The following PDE1A variants were observed in gnomAD, a reference collection of about 807,000 sequenced individuals.
The protein encoded by PDE1A is dual specificity calcium/calmodulin-dependent 3',5'-cyclic nucleotide phosphodiesterase 1A.
In PDE1A, 35 loss-of-function variants were observed where a neutral mutation model predicts 61.7. The observed-to-expected ratio is 0.57, with a 90% CI of 0.43 to 0.75. The LOEUF (loss-of-function observed/expected upper bound fraction) is 0.75, where lower values mean the gene tolerates loss of function less well. PDE1A is among the 30% of genes least tolerant of loss of function. The pLI is 0.00. For synonymous variants in PDE1A, 232 were observed against 213.2 expected (o/e 1.09, Z -0.77); for missense variants, 597 against 630.6 (o/e 0.95, Z 0.57).
chr2:182,521,188 C>T (rs1690544564), intron 2 of PDE1A, among the ~76,000 whole-genome samples: 1 of 151,748 alleles, frequency 6.6e-6, no homozygotes, highest in Admixed American at 6.6e-5. Context: ...GGAATTTTTA[C>T]CTCTAAACAA....
intron 2 of PDE1A, among the ~76,000 whole-genome samples, chr2:182,440,274 T>C (rs886890092): frequency 2.6e-5 from 4 of 152,072 alleles, no homozygotes; most frequent in African/African-American, 9.7e-5. Context: ...CTGTGTTTCA[T>C]TGGCTCAAAA....
exon 8 of PDE1A, chr2:182,206,013 C>G (rs370366733): frequency 1.2e-6 from 2 of 1,612,424 alleles, no homozygotes; most frequent in South Asian, 1.1e-5. Flanking sequence ...GCTGCACTCA[C>G]GTGGTGATTC....
At chr2:182,277,389 T>A (rs1012809977) in intron 1 of PDE1A, among the ~76,000 whole-genome samples, 2 of 152,074 alleles carry the variant, frequency 1.3e-5, no homozygotes, top group Non-Finnish European at 2.9e-5. Flanking sequence ...GCGGGCGGGT[T>A]CCCCCGATAA....
At chr2:182,608,429 C>T in the PDE1A span, among the ~76,000 whole-genome samples, 1 of 152,230 alleles carries the variant, frequency 6.6e-6, no homozygotes, top group Non-Finnish European at 1.5e-5. Context: ...AGGCCCAAGC[C>T]GGCTCCCTCA....
At chr2:182,340,515 G>T (rs1698117048) in intron 1 of PDE1A, among the ~76,000 whole-genome samples, 1 of 152,138 alleles carries the variant, frequency 6.6e-6, no homozygotes. Flanking sequence ...CAGAAAATGG[G>T]AAGTTTGAAA....
intron 1 of PDE1A, among the ~76,000 whole-genome samples, chr2:182,394,491 C>T (rs1195684687): frequency 6.6e-6 from 1 of 152,088 alleles, no homozygotes; most frequent in Non-Finnish European, 1.5e-5. Flanking sequence ...GAAGGGGACA[C>T]AGCCAAACCA....
chr2:182,599,959 T>C, the PDE1A span, among the ~76,000 whole-genome samples: 1 of 152,214 alleles, frequency 6.6e-6, no homozygotes, highest in East Asian at 1.9e-4. Context: ...GATCTTCAGG[T>C]TGCTACTTCA....
the PDE1A span, among the ~76,000 whole-genome samples, chr2:182,667,002 A>G: frequency 6.6e-6 from 1 of 152,188 alleles, no homozygotes; most frequent in African/African-American, 2.4e-5. Context: ...TTTACATTCT[A>G]TATTTGGTTC....
the PDE1A span, among the ~76,000 whole-genome samples, chr2:182,650,089 A>C: frequency 6.6e-6 from 1 of 152,074 alleles, no homozygotes; most frequent in Non-Finnish European, 1.5e-5. Flanking sequence ...TCTCTCTCCA[A>C]AAAAGAGAGA....
intron 2 of PDE1A, among the ~76,000 whole-genome samples, chr2:182,434,332 C>G (rs927551451): frequency 5.3e-5 from 8 of 152,006 alleles, no homozygotes; most frequent in Non-Finnish European, 1.0e-4. Context: ...TAAACGAGAG[C>G]AAATACAATG....
intron 2 of PDE1A, among the ~76,000 whole-genome samples, chr2:182,459,377 CA>C (rs1686128998): frequency 1.3e-5 from 2 of 152,108 alleles, no homozygotes; most frequent in African/African-American, 4.8e-5. Context: ...GGAAGTTGGA[CA>C]ATAAGAATTT....
At chr2:182,611,600 C>G in the PDE1A span, among the ~76,000 whole-genome samples, 1 of 152,082 alleles carries the variant, frequency 6.6e-6, no homozygotes, top group Non-Finnish European at 1.5e-5. Flanking sequence ...AACCTTCTGC[C>G]TTAACTTACG....
At chr2:182,208,704 C>G (rs958012766) in intron 7 of PDE1A, among the ~76,000 whole-genome samples, 1 of 152,110 alleles carries the variant, frequency 6.6e-6, no homozygotes, top group African/African-American at 2.4e-5. Context: ...AGGAGCACAC[C>G]CCCTGCATCA....
intron 1 of PDE1A, among the ~76,000 whole-genome samples, chr2:182,384,095 C>G (rs1574507297): frequency 6.6e-6 from 1 of 152,224 alleles, no homozygotes; most frequent in Admixed American, 6.5e-5. Context: ...ATGCTCCAGA[C>G]AATCCTTAGT....
chr2:182,574,541 A>G, the PDE1A span, among the ~76,000 whole-genome samples: 3 of 152,246 alleles, frequency 2.0e-5, no homozygotes, highest in African/African-American at 7.2e-5. Flanking sequence ...CATAAAGTTA[A>G]CAATACTTAA....
chr2:182,472,528 T>A (rs145656509), intron 2 of PDE1A, among the ~76,000 whole-genome samples: 28 of 151,818 alleles, frequency 1.8e-4, no homozygotes, highest in Admixed American at 5.9e-4. Flanking sequence ...AAGCAGTGTG[T>A]GGAATGGTGG....
intron 1 of PDE1A, among the ~76,000 whole-genome samples, chr2:182,353,449 A>T (rs935370818): frequency 2.6e-5 from 4 of 152,146 alleles, no homozygotes; most frequent in Admixed American, 2.6e-4. Flanking sequence ...ACTTGCTAGG[A>T]ATTTTTCTTT....
At chr2:182,441,185 C>G (rs1432720144) in intron 2 of PDE1A, among the ~76,000 whole-genome samples, 1 of 151,992 alleles carries the variant, frequency 6.6e-6, no homozygotes, top group Non-Finnish European at 1.5e-5. Flanking sequence ...ATTCACTACC[C>G]AAGAACTGTA....
downstream of PDE1A, chr2:182,167,741 T>A (rs1220394581): frequency 3.6e-6 from 1 of 276,310 alleles, no homozygotes; most frequent in Non-Finnish European, 5.5e-6. Context: ...ATACATTTCA[T>A]CCCTGCCATT....
Sources: allele counts gnomAD v4.1 joint callset (sites outside exome capture counted in the v4.1 genomes callset), GRCh38; gene constraint gnomAD v4.1.1; transcripts MANE v1.5; gene names NCBI Gene and HGNC (gene_info 2026-07-23, HGNC 2026-07-21).